PRC1: variants seen among roughly 807,000 people sequenced by gnomAD.
PRC1 encodes anaphase spindle elongation 1 homolog.
In PRC1, 54 loss-of-function variants were observed where a neutral mutation model predicts 91.2. The observed-to-expected ratio is 0.59, with a 90% CI of 0.48 to 0.74. PRC1 has a LOEUF of 0.74. PRC1 is among the 30% of genes least tolerant of loss of function. The pLI is 0.00. For synonymous variants in PRC1, 275 were observed against 263.6 expected, an observed-to-expected ratio of 1.04 and a Z score of -0.42; for missense variants, 727 against 746.2, an observed-to-expected ratio of 0.97 and a Z score of 0.30.
rs746525691 is a variant in PRC1, at chr15:90,984,934, A to C, written c.12-109T>G. 2.9e-6 allele frequency: 4 copies of C among 1,367,838 alleles called. No individual in the cohort carries two copies. Among genetic ancestry groups the C allele is most frequent in the Non-Finnish European group, 4.0e-6 (4 of 1,001,640 alleles). The allele number at this position is 1,367,838 out of a possible 1,614,324, so 84.7% of individuals were successfully genotyped here. ...TAGCTTCTCAGTGGCCTCGAGAAAA[A>C]AACAAATTGAAAACAAGCATTCAGC... is the stretch of plus-strand genomic sequence containing the variant. On this transcript the variant is annotated intron_variant, in intron 1 of 14. Coordinates refer to ENST00000394249, the MANE Select transcript of PRC1 (RefSeq NM_003981.4). This position sits in a 1 kb window ranked among gnomAD's most constrained non-coding sequence, Gnocchi z 5.1.
rs922291257 is a variant in PRC1, at chr15:90,976,372, G to A, written c.1203+304C>T. On this transcript the variant is annotated intron_variant, in intron 9 of 14. Coordinates refer to ENST00000394249, the MANE Select transcript of PRC1 (RefSeq NM_003981.4). ...AAGACCAGGCTGGTCTTGAACTCCT[G>A]ACCTCATGATCAAGACCAGGCTGGT... Among the ~76,000 whole-genome samples, 5 of 151,548 alleles carry A rather than the reference G, an allele frequency of 3.3e-5. 1 individual carries two copies. The highest frequency in any genetic ancestry group is 7.4e-5 in the Non-Finnish European group (5 of 67,848).
At chr15:90,985,168 G>A (rs1452107668) in intron 1 of PRC1, among the ~76,000 whole-genome samples, 2 of 151,920 alleles carry the variant, frequency 1.3e-5, no homozygotes, top group Non-Finnish European at 2.9e-5. Flanking sequence ...ACAAGAACTT[G>A]CTGGTGAGAA....
rs200697807 is a variant in PRC1 at position 90,974,205 on chromosome 15, A to T, written c.1392T>A (p.Tyr464Ter). The change falls in exon 11 of 15, where the codon TAT (tyrosine) becomes TAA (stop). Residue 464 changes from tyrosine (Y) to a stop codon, truncating the protein, a stop_gained. Transcript: ENST00000394249. LOFTEE classifies it high-confidence loss of function. The surrounding 1 kb of genome is among the most constrained non-coding windows in gnomAD (Gnocchi z 4.6). Reference sequence around the variant, plus strand: ...TGCTAGGTGTTCGAGGAGCGCTGCCATACAGCATCTCTGTCTCTGTCTGTT... The same window carrying T: ...TGCTAGGTGTTCGAGGAGCGCTGCCTTACAGCATCTCTGTCTCTGTCTGTT... Reference protein sequence around the residue: ...NKKQTETEMLYGSAPRTPSKR... With the variant: ...NKKQTETEML The T allele has an allele frequency of 8.7e-6, 14 of 1,614,098 alleles. No homozygotes were observed. The highest frequency in any genetic ancestry group is 8.5e-7 in the Non-Finnish European group (1 of 1,180,046).
intron 6 of PRC1, chr15:90,980,611 C>T: frequency 1.4e-6 from 1 of 692,362 alleles, no homozygotes; most frequent in Non-Finnish European, 2.3e-6. Flanking sequence ...CCTCCACCTC[C>T]CAGGCTCAAG....
At position 90,966,691 on chromosome 15, in the gene PRC1, C is replaced by G; in HGVS notation, c.*440G>C. ...GACAAGGCTTCAGGTAAGAGCAAAG[C>G]TATGATAGCTACAGCATTAATTGAA... On this transcript the variant is annotated 3_prime_UTR_variant, in exon 15 of 15. Coordinates refer to ENST00000394249, the MANE Select transcript of PRC1 (RefSeq NM_003981.4). 1 of 455,742 alleles carries G rather than the reference C, an allele frequency of 2.2e-6. No individual in the cohort carries two copies. The highest frequency in any genetic ancestry group is 1.6e-5 in the South Asian group (1 of 64,454). 28.2% of individuals were successfully genotyped at this position (455,742 alleles called of 1,614,324 possible).
intron 8 of PRC1, among the ~76,000 whole-genome samples, chr15:90,978,833 C>T (rs2038956897): frequency 6.6e-6 from 1 of 151,184 alleles, no homozygotes; most frequent in Admixed American, 6.6e-5. Context: ...ATGAGGTCCA[C>T]CCTTAGTGGT....
intron 11 of PRC1, among the ~76,000 whole-genome samples, chr15:90,970,857 G>C (rs1306674386): frequency 6.6e-6 from 1 of 152,212 alleles, no homozygotes; most frequent in Non-Finnish European, 1.5e-5. Flanking sequence ...GTTCACAACA[G>C]CTCCCTGCAG....
rs1311347341 is a variant in PRC1 at position 90,970,483 on chromosome 15, G to A, written c.1493C>T (p.Ala498Val). Residue 498 changes from alanine to valine, a missense_variant, in exon 12 of 15, where the codon GCC (alanine) becomes GTC (valine). By Grantham distance (64) the Ala-to-Val change is moderately conservative (BLOSUM62 0). Transcript: ENST00000394249. ...LNTTTMSNAT[A>V]NSSIRPIFGG... ...AAAGATAGGCCGAATGCTACTATTG[G>A]CCGTAGCATTGGACATGGTGGTAGT... 1.2e-6 allele frequency: 2 copies of A among 1,613,646 alleles called. No individual in the cohort carries two copies. Among genetic ancestry groups the A allele is most frequent in the Non-Finnish European group, 8.5e-7 (1 of 1,179,602 alleles).
intron 9 of PRC1, among the ~76,000 whole-genome samples, chr15:90,975,608 T>C (rs532693016): frequency 2.0e-5 from 3 of 152,226 alleles, no homozygotes; most frequent in South Asian, 4.2e-4. Context: ...ACTGACTGAA[T>C]TGTGTTTCCC....
chr15:90,980,668 C>T (rs575885912), intron 6 of PRC1: 12 of 702,806 alleles, frequency 1.7e-5, no homozygotes, highest in East Asian at 1.4e-4. Flanking sequence ...TACAGGCGCA[C>T]GCCACTACCA....
chr15:90,967,546 A>G lies in PRC1; in HGVS notation c.1792-344T>C, dbSNP rs376262207. ...CACTATGGTGGTCCCATAAGATTAT[A>G]CCATATTTTTACTGTACCTTTTCTA... On this transcript the variant is annotated intron_variant, in intron 14 of 14. Transcript: ENST00000394249. 1.7e-4 allele frequency: 34 copies of G among 200,734 alleles called. 1 individual carries two copies. The highest frequency in any genetic ancestry group is 7.8e-4 in the African/African-American group (34 of 43,368). 12.4% of individuals were successfully genotyped at this position (200,734 alleles called of 1,614,324 possible).
At chr15:90,973,229 C>A (rs372323174) in intron 11 of PRC1, 1 of 152,478 alleles carries the variant, frequency 6.6e-6, no homozygotes, top group East Asian at 1.9e-4. Flanking sequence ...GCAACTTTAG[C>A]CCCAACCCTG....
At chr15:90,975,587 T>C (rs1173605792) in intron 9 of PRC1, among the ~76,000 whole-genome samples, 1 of 152,012 alleles carries the variant, frequency 6.6e-6, no homozygotes, top group Non-Finnish European at 1.5e-5. Flanking sequence ...CTCAAAAGCT[T>C]TCCTCATGTA....
chr15:90,980,360 T>C lies in PRC1; in HGVS notation c.852A>G (p.Glu284=). Residue 284 remains glutamate (E), a synonymous_variant, in exon 7 of 15, where the codon GAA becomes GAG. Coordinates refer to ENST00000394249, the MANE Select transcript of PRC1 (RefSeq NM_003981.4). ...CTTTCTTCATGTTTTGCATTTTCAGTTCTTCCAACCGATCCACTTCTAATT... is the reference window on the plus strand; with the variant it reads ...CTTTCTTCATGTTTTGCATTTTCAGCTCTTCCAACCGATCCACTTCTAATT... ...ALQLEVDRLE[E]LKMQNMKKVI... 2 of 1,614,150 alleles carry C rather than the reference T, an allele frequency of 1.2e-6. No homozygotes were observed. Among genetic ancestry groups the C allele is most frequent in the Non-Finnish European group, 1.7e-6 (2 of 1,180,020 alleles).
At chr15:90,975,715 T>C (rs2038620948) in intron 9 of PRC1, among the ~76,000 whole-genome samples, 1 of 152,162 alleles carries the variant, frequency 6.6e-6, no homozygotes, top group Admixed American at 6.5e-5. Context: ...CCAGGTATGG[T>C]GGCTCATTCC....
At position 90,970,391 on chromosome 15, in the gene PRC1, A is replaced by G. The variant is rs1239539112; in HGVS notation, c.1572+13T>C. On this transcript the variant is annotated intron_variant, in intron 12 of 14. Coordinates refer to ENST00000394249, the MANE Select transcript of PRC1 (RefSeq NM_003981.4). The stretch of plus-strand genomic sequence containing the variant: ...CGCATGTGAGGATGTGCTTAGACAC[A>G]GGGCATACTAACCTTGCTGCCAGAA... The G allele has an allele frequency of 6.4e-7, 1 of 1,562,034 alleles. No individual in the cohort carries two copies. The highest frequency in any genetic ancestry group is 8.8e-7 in the Non-Finnish European group (1 of 1,133,080).
chr15:90,970,596 G>A (rs983717228), intron 11 of PRC1, 82 bp from the exon 12 acceptor site: 2 of 960,794 alleles, frequency 2.1e-6, no homozygotes, highest in Non-Finnish European at 3.1e-6. Flanking sequence ...ACAGAGAAAT[G>A]ACTATGGGAG....
rs2037867135 is a variant in PRC1, at chr15:90,969,564, G to C, written c.1632C>G (p.Ala544=). The C allele has an allele frequency of 1.2e-6, 2 of 1,613,826 alleles. No individual in the cohort carries two copies. Among genetic ancestry groups the C allele is most frequent in the Non-Finnish European group, 1.7e-6 (2 of 1,179,828 alleles). ...CGTTGAGCTCCAGGTTCTCCTTGTT[G>C]GCTCCATGCCTGCCAGTACGGGGTG... ...KKTPRTGRHG[A]NKENLELNGS... is the part of the protein sequence containing the mutation. Residue 544 remains alanine, a synonymous_variant, in exon 13 of 15, where the codon GCC becomes GCG. Coordinates refer to ENST00000394249, the MANE Select transcript of PRC1 (RefSeq NM_003981.4).
chr15:90,982,146 T>G (rs902948603), intron 3 of PRC1, 165 bp from the exon 4 acceptor site: 8 of 661,420 alleles, frequency 1.2e-5, no homozygotes, highest in Non-Finnish European at 1.8e-5. Flanking sequence ...CTAAGGAAGG[T>G]CCCAGTGAGG....
Sources: allele counts gnomAD v4.1 joint callset (sites outside exome capture counted in the v4.1 genomes callset), GRCh38; gene constraint gnomAD v4.1.1; non-coding constraint Gnocchi (gnomAD v3.1); transcripts MANE v1.5; gene names NCBI Gene and HGNC (gene_info 2026-07-23, HGNC 2026-07-21).